KHDRBS2: variants seen among roughly 807,000 people sequenced by gnomAD.
KHDRBS2 encodes the protein KH domain-containing, RNA-binding, signal transduction-associated protein 2.
A neutral mutation model predicts 44.3 loss-of-function variants in KHDRBS2; 26 were observed. The ratio of observed to expected loss-of-function variants is 0.59; its 90% CI spans 0.43 to 0.81. The LOEUF (loss-of-function observed/expected upper bound fraction) is 0.81. Ranked by LOEUF, KHDRBS2 falls within the 40% of genes least tolerant of loss-of-function variation. The probability of loss-of-function intolerance (pLI) is 0.00; values close to 1 mark genes in which losing one functional copy is unlikely to be tolerated. For synonymous variants in KHDRBS2, 194 were observed against 151.1 expected, an observed-to-expected ratio of 1.28 and a Z score of -2.08; for missense variants, 476 against 433.1, an observed-to-expected ratio of 1.10 and a Z score of -0.88.
At chr6:62,068,283 A>G (rs551687431) in intron 2 of KHDRBS2, among the ~76,000 whole-genome samples, 2 of 151,650 alleles carry the variant, frequency 1.3e-5, no homozygotes, top group South Asian at 2.1e-4. Context: ...ATGATATTGA[A>G]CATCTTTTCA....
the KHDRBS2 span, among the ~76,000 whole-genome samples, chr6:61,645,895 T>C: frequency 6.6e-6 from 1 of 152,224 alleles, no homozygotes; most frequent in Middle Eastern, 3.4e-3. Flanking sequence ...GATGGTGGTA[T>C]GGAGGGTGGT....
Position 62,005,043 on chromosome 6 carries a change from AT to A in KHDRBS2, c.337-26832del, listed in dbSNP as rs149106156. 8.3e-3 allele frequency among the ~76,000 whole-genome samples: 1,266 copies of A among 152,076 alleles called. 10 individuals are homozygous for A. Among genetic ancestry groups the A allele is most frequent in the African/African-American group, 0.029 (1,186 of 41,518 alleles). ...AGAATCCTAGTTGTCTTTTCCTTTA[AT>A]TTAAACAAAGGCTAAACACTTCATT... On this transcript the variant is annotated intron_variant, in intron 3 of 8. Coordinates refer to ENST00000281156, the MANE Select transcript of KHDRBS2 (RefSeq NM_152688.4).
At chr6:61,794,515 T>A (rs1251858117) in intron 6 of KHDRBS2, among the ~76,000 whole-genome samples, 1 of 152,112 alleles carries the variant, frequency 6.6e-6, no homozygotes, top group Non-Finnish European at 1.5e-5. Flanking sequence ...AAGTAATAGG[T>A]TTTTGCCTGA....
intron 2 of KHDRBS2, among the ~76,000 whole-genome samples, chr6:62,143,462 T>G (rs904170734): frequency 6.6e-6 from 1 of 151,992 alleles, no homozygotes; most frequent in Non-Finnish European, 1.5e-5. Context: ...TGCATTGGGC[T>G]GCAATATCTC....
At chr6:61,698,600 C>T (rs1357074184) in intron 7 of KHDRBS2, among the ~76,000 whole-genome samples, 3 of 152,040 alleles carry the variant, frequency 2.0e-5, no homozygotes, top group African/African-American at 7.2e-5. Context: ...TATTAGCTCC[C>T]TACTCAAAAT....
At chr6:61,562,394 G>T in the KHDRBS2 span, among the ~76,000 whole-genome samples, 3 of 152,034 alleles carry the variant, frequency 2.0e-5, no homozygotes, top group South Asian at 2.1e-4. Flanking sequence ...AGTGTTGGCT[G>T]GTTTCATGTA....
chr6:61,556,795 A>G, the KHDRBS2 span, among the ~76,000 whole-genome samples: 17 of 151,328 alleles, frequency 1.1e-4, no homozygotes, highest in Non-Finnish European at 8.8e-5. Context: ...TTCAAAAGGC[A>G]TGTACTAAAG....
At chr6:61,945,101 A>ATATATAT (rs1206251740) in intron 4 of KHDRBS2, among the ~76,000 whole-genome samples, 3 of 56,252 alleles carry the variant, frequency 5.3e-5, no homozygotes, top group Admixed American at 2.5e-4. Flanking sequence ...AAAAAAAAAA[A>ATATATAT]AAAAAAAAAA....
chr6:62,217,248 ACAAT>A (rs1234735909), intron 1 of KHDRBS2, among the ~76,000 whole-genome samples: 1 of 151,696 alleles, frequency 6.6e-6, no homozygotes, highest in African/African-American at 2.4e-5. Flanking sequence ...CAGATCTTTA[ACAAT>A]CAATCAATCC....
chr6:61,990,636 C>A (rs1219342484), intron 3 of KHDRBS2, among the ~76,000 whole-genome samples: 4 of 151,986 alleles, frequency 2.6e-5, no homozygotes, highest in Non-Finnish European at 4.4e-5. Flanking sequence ...GAACAGCAAG[C>A]TCTGTGCTGA....
intron 1 of KHDRBS2, among the ~76,000 whole-genome samples, chr6:62,278,213 C>A (rs1841281415): frequency 6.6e-6 from 1 of 152,024 alleles, no homozygotes; most frequent in African/African-American, 2.4e-5. Context: ...CATAATATAG[C>A]CAAACCAAAA....
At chr6:61,651,558 G>C in the KHDRBS2 span, among the ~76,000 whole-genome samples, 1 of 151,986 alleles carries the variant, frequency 6.6e-6, no homozygotes, top group Non-Finnish European at 1.5e-5. Flanking sequence ...CTTTGGATTA[G>C]GTCTGCTTGG....
At position 61,905,093 on chromosome 6, in the gene KHDRBS2, A is replaced by C. The variant is rs559617658; in HGVS notation, c.484-3722T>G. The stretch of plus-strand genomic sequence containing the variant: ...TGAAACTGATTACTGACGACCAAAA[A>C]GGATAGCAATGAGTATTTTTAAGAA... On this transcript the variant is annotated intron_variant, in intron 4 of 8. Coordinates refer to ENST00000281156, the MANE Select transcript of KHDRBS2 (RefSeq NM_152688.4). Among the ~76,000 whole-genome samples the C allele has an allele frequency of 5.3e-5, 8 of 152,362 alleles. No individual in the cohort carries two copies. In the South Asian group the frequency reaches 6.2e-4, roughly 12 times the overall value.
chr6:61,731,648 A>G (rs1413671998), intron 7 of KHDRBS2, among the ~76,000 whole-genome samples: 1 of 152,104 alleles, frequency 6.6e-6, no homozygotes, highest in Admixed American at 6.5e-5. Flanking sequence ...TTTATTGCCA[A>G]TAAAGTTGGT....
chr6:61,890,454 C>T (rs1282425054), intron 6 of KHDRBS2, among the ~76,000 whole-genome samples: 3 of 152,164 alleles, frequency 2.0e-5, no homozygotes, highest in Admixed American at 6.5e-5. Flanking sequence ...TTGGAACACA[C>T]GAGAGGCTAC....
At chr6:61,934,732 C>A (rs1233429840) in intron 4 of KHDRBS2, among the ~76,000 whole-genome samples, 1 of 152,122 alleles carries the variant, frequency 6.6e-6, no homozygotes, top group African/African-American at 2.4e-5. Flanking sequence ...AGGAAGAATG[C>A]ACTCAGAATC....
chr6:62,268,098 A>G (rs1398809256), intron 1 of KHDRBS2, among the ~76,000 whole-genome samples: 1 of 152,066 alleles, frequency 6.6e-6, no homozygotes, highest in Non-Finnish European at 1.5e-5. Context: ...ATTGCTTGAT[A>G]GCATCTAAAT....
chr6:61,881,887 A>G (rs1800259455), intron 6 of KHDRBS2, among the ~76,000 whole-genome samples: 1 of 152,020 alleles, frequency 6.6e-6, no homozygotes, highest in Admixed American at 6.6e-5. Flanking sequence ...TTGGTTGGTT[A>G]TTTATTATTC....
chr6:61,900,471 G>T (rs527614695), intron 5 of KHDRBS2, among the ~76,000 whole-genome samples: 1 of 152,200 alleles, frequency 6.6e-6, no homozygotes, highest in African/African-American at 2.4e-5. Flanking sequence ...AAGGCTATGA[G>T]TATTTTTTAT....
Sources: allele counts gnomAD v4.1 joint callset (sites outside exome capture counted in the v4.1 genomes callset), GRCh38; gene constraint gnomAD v4.1.1; transcripts MANE v1.5; gene names NCBI Gene and HGNC (gene_info 2026-07-23, HGNC 2026-07-21).